The following SUMF1 variants were observed in gnomAD, a reference collection of about 807,000 sequenced individuals.
SUMF1 encodes the protein formylglycine-generating enzyme.
A neutral mutation model predicts 47.6 loss-of-function variants in SUMF1; 48 were observed. The ratio of observed to expected loss-of-function variants is 1.01; its 90% CI spans 0.80 to 1.28. The LOEUF (loss-of-function observed/expected upper bound fraction) is 1.28. Among genes scored for constraint, SUMF1 ranks in the 50% most tolerant of loss-of-function variants. SUMF1 has a pLI of 0.00. For missense variants in SUMF1, 571 were observed against 485.4 expected (o/e 1.18, Z -1.66); for synonymous variants, 230 against 192.1 (o/e 1.20, Z -1.63).
chr3:4,198,540 T>G (rs1226809316), intron 8 of SUMF1, among the ~76,000 whole-genome samples: 2 of 152,130 alleles, frequency 1.3e-5, no homozygotes, highest in African/African-American at 4.8e-5. Context: ...GCAACCATCT[T>G]GGAAATGGCA....
intron 8 of SUMF1, among the ~76,000 whole-genome samples, chr3:4,323,291 G>T (rs555560262): frequency 1.3e-5 from 2 of 152,224 alleles, no homozygotes; most frequent in South Asian, 4.1e-4. Context: ...GACACAACAG[G>T]TCACATTTGT....
In SUMF1 at chr3:4,149,927, T is replaced by C. The variant is rs139508164; in HGVS notation, c.1015-81182A>G. On this transcript the variant is annotated intron_variant and NMD_transcript_variant, in intron 8 of 12. Transcript: ENST00000448413. The stretch of plus-strand genomic sequence containing the variant: ...CATCACCTCAATGGGTACATATTTA[T>C]AACAGTTGATTTCATTTGCATATCT... 1.7e-4 allele frequency among the ~76,000 whole-genome samples: 26 copies of C among 152,272 alleles called. No individual in the cohort carries two copies. In the East Asian group the frequency reaches 4.4e-3, roughly 26 times the overall value.
chr3:4,381,238 T>C (rs1300438331), intron 7 of SUMF1, among the ~76,000 whole-genome samples: 1 of 152,136 alleles, frequency 6.6e-6, no homozygotes, highest in East Asian at 1.9e-4. Flanking sequence ...AACTCAGGAA[T>C]GGAAAACCAA....
In SUMF1 at chr3:4,396,415, G is replaced by A. The variant is rs143722493; in HGVS notation, c.954+14450C>T. Among the ~76,000 whole-genome samples the A allele has an allele frequency of 1.1e-4, 17 of 152,334 alleles. 1 individual carries two copies. The East Asian group carries it at 3.1e-3, about 28-fold the overall frequency. The stretch of plus-strand genomic sequence containing the variant: ...ATAGAAAGTGTCTGCAAAATAACCT[G>A]CAGAGACTCCACAGGATGAGCCCAG... On this transcript the variant is annotated intron_variant, in intron 7 of 8. Coordinates refer to ENST00000272902, the MANE Select transcript of SUMF1 (RefSeq NM_182760.4).
chr3:4,174,633 G>A (rs1464156668), intron 8 of SUMF1, among the ~76,000 whole-genome samples: 2 of 152,088 alleles, frequency 1.3e-5, no homozygotes, highest in Non-Finnish European at 2.9e-5. Context: ...CAGAAGACAG[G>A]TGATTTCTGC....
chr3:4,191,071 C>T (rs954895359), intron 8 of SUMF1, among the ~76,000 whole-genome samples: 12 of 152,084 alleles, frequency 7.9e-5, no homozygotes, highest in Admixed American at 1.3e-4. Flanking sequence ...AAGGAAAGCC[C>T]CTCTGAGGAG....
chr3:4,174,406 C>T (rs1183340819), intron 8 of SUMF1, among the ~76,000 whole-genome samples: 1 of 150,736 alleles, frequency 6.6e-6, no homozygotes, highest in Non-Finnish European at 1.5e-5. Context: ...GAAATTAAAC[C>T]TGGAATCCAG....
chr3:4,046,019 C>T (rs1050607806), intron 9 of SUMF1, among the ~76,000 whole-genome samples: 5 of 152,042 alleles, frequency 3.3e-5, no homozygotes, highest in African/African-American at 1.2e-4. Flanking sequence ...CCACTACTGT[C>T]CAACCTGGGG....
At chr3:4,059,726 TAATCACA>T (rs138147214) in intron 9 of SUMF1, among the ~76,000 whole-genome samples, 5,184 of 148,688 alleles carry the variant, frequency 0.035, 255 homozygotes, top group African/African-American at 0.11. Context: ...CATTAACGCA[TAATCACA>T]AATCACACAA....
chr3:4,090,459 C>A (rs1692761750), intron 8 of SUMF1, among the ~76,000 whole-genome samples: 1 of 152,030 alleles, frequency 6.6e-6, no homozygotes, highest in African/African-American at 2.4e-5. Flanking sequence ...CCACCTTGTA[C>A]CCTGAGCTGC....
At chr3:4,045,548 T>G (rs1221356060) in intron 9 of SUMF1, among the ~76,000 whole-genome samples, 2 of 152,022 alleles carry the variant, frequency 1.3e-5, no homozygotes, top group Non-Finnish European at 2.9e-5. Context: ...ACAAAATAAA[T>G]GTAAGGATGT....
At chr3:4,443,756 C>A (rs1007609877) in intron 3 of SUMF1, among the ~76,000 whole-genome samples, 2 of 151,314 alleles carry the variant, frequency 1.3e-5, no homozygotes, top group South Asian at 2.1e-4. Context: ...CACAGCAAGA[C>A]CCCTTCTCAA....
intron 8 of SUMF1, among the ~76,000 whole-genome samples, chr3:4,180,490 C>A (rs1695069805): frequency 6.6e-6 from 1 of 151,418 alleles, no homozygotes; most frequent in Non-Finnish European, 1.5e-5. Context: ...GGGAATTGAA[C>A]AATGAGATCA....
chr3:4,449,845 A>ATAAT (rs1423912389), intron 2 of SUMF1, among the ~76,000 whole-genome samples: 9 of 152,222 alleles, frequency 5.9e-5, no homozygotes, highest in African/African-American at 2.2e-4. Flanking sequence ...TAATGATTTT[A>ATAAT]TTTAACATTA....
At chr3:4,357,564 TG>T (rs1201665576), downstream of SUMF1, among the ~76,000 whole-genome samples, 4 of 150,360 alleles carry the variant, frequency 2.7e-5, no homozygotes, top group Middle Eastern at 3.4e-3. Flanking sequence ...ACCACACCCC[TG>T]CCCCAACCAA....
rs1404910250 is a variant in SUMF1, at chr3:4,198,045, T to C, written c.1015-129300A>G. Among the ~76,000 whole-genome samples the C allele has an allele frequency of 6.9e-4, 90 of 131,038 alleles. 1 individual carries two copies. The highest frequency in any genetic ancestry group is 1.2e-3 in the Non-Finnish European group (68 of 58,460). The allele number at this position is 131,038 out of a possible 152,430, so 86.0% of individuals were successfully genotyped here. A position where few individuals can be genotyped will look rare whatever the true frequency, so the allele number is the denominator to read the frequency against. On this transcript the variant is annotated intron_variant and NMD_transcript_variant, in intron 8 of 12. Transcript: ENST00000448413. ...TTGTTTTAGGCTTTTTTTTTTTTTT[T>C]CGGAAAGAGAGATTCTTATTGGTCA...
intron 7 of SUMF1, among the ~76,000 whole-genome samples, chr3:4,398,107 C>A (rs1701094364): frequency 6.6e-6 from 1 of 152,136 alleles, no homozygotes; most frequent in African/African-American, 2.4e-5. Flanking sequence ...CACTCCAAAA[C>A]TGCATGCTTT....
rs571907355 is a variant in SUMF1 at position 4,462,092 on chromosome 3, G to C, written c.270+4884C>G. ...TGGGCACTGCTATTTTGGTCCATCC[G>C]GCACCCAATCCCTCTACTTCTTGTA... On this transcript the variant is annotated intron_variant, in intron 1 of 8. Transcript: ENST00000272902. 1.1e-4 allele frequency among the ~76,000 whole-genome samples: 16 copies of C among 152,230 alleles called. No individual in the cohort carries two copies. In the East Asian group the frequency reaches 3.1e-3, roughly 29 times the overall value.
At chr3:4,391,657 A>G (rs1700867714) in intron 7 of SUMF1, among the ~76,000 whole-genome samples, 1 of 151,868 alleles carries the variant, frequency 6.6e-6, no homozygotes, top group Non-Finnish European at 1.5e-5. Flanking sequence ...TAATTTTTGT[A>G]ATTTTTGTGG....
Sources: allele counts gnomAD v4.1 joint callset (sites outside exome capture counted in the v4.1 genomes callset), GRCh38; gene constraint gnomAD v4.1.1; transcripts MANE v1.5; gene names NCBI Gene and HGNC (gene_info 2026-07-23, HGNC 2026-07-21).